Variants in GRIN2A observed in about 807,000 individuals in gnomAD.
The protein encoded by GRIN2A is glutamate receptor ionotropic, NMDA 2A.
GRIN2A carries 22 observed loss-of-function variants against 113.4 expected under a neutral mutation model. That is an observed-to-expected ratio of 0.19 (90% CI 0.14 to 0.28). GRIN2A has a LOEUF of 0.28. GRIN2A is among the 10% of genes least tolerant of loss of function. The pLI, the probability that GRIN2A is intolerant of heterozygous loss-of-function variation, is 1.00. For synonymous variants in GRIN2A, 827 were observed against 738.4 expected, an observed-to-expected ratio of 1.12 and a Z score of -1.94; for missense variants, 1,502 against 1,887.0, an observed-to-expected ratio of 0.80 and a Z score of 3.78.
intron 3 of GRIN2A, 84 bp from the exon 4 acceptor site, chr16:9,891,184 AT>A: frequency 1.3e-6 from 1 of 793,270 alleles, no homozygotes; most frequent in Non-Finnish European, 2.3e-6. Context: ...CATTAATGGA[AT>A]ACTGAAAAAT....
chr16:9,863,281 G>A (rs537796777), intron 4 of GRIN2A, among the ~76,000 whole-genome samples: 26 of 152,320 alleles, frequency 1.7e-4, no homozygotes, highest in African/African-American at 4.8e-4. Context: ...CCTGAGAGTT[G>A]GAGAAGCCAG....
At chr16:9,770,872 T>C (rs1366800651) in intron 11 of GRIN2A, among the ~76,000 whole-genome samples, 1 of 152,200 alleles carries the variant, frequency 6.6e-6, no homozygotes, top group African/African-American at 2.4e-5. Flanking sequence ...CCCGCTCCCT[T>C]CGGTTTTCCC....
At chr16:9,782,482 A>G (rs73498509) in intron 11 of GRIN2A, among the ~76,000 whole-genome samples, 1,906 of 152,292 alleles carry the variant, frequency 0.013, 38 homozygotes, top group African/African-American at 0.038. Context: ...ATAGACTGAG[A>G]GGGATTTGGG....
chr16:10,003,630 C>T (rs1002142370), intron 2 of GRIN2A, among the ~76,000 whole-genome samples: 2 of 152,166 alleles, frequency 1.3e-5, no homozygotes, highest in Non-Finnish European at 2.9e-5. Context: ...ATGAGACTCC[C>T]ACTTTATACG....
chr16:9,949,307 G>A (rs140920537), intron 2 of GRIN2A, among the ~76,000 whole-genome samples: 14 of 152,298 alleles, frequency 9.2e-5, no homozygotes, highest in Non-Finnish European at 1.9e-4. Flanking sequence ...GTGAATGGAT[G>A]GACAGACGAA....
intron 2 of GRIN2A, among the ~76,000 whole-genome samples, chr16:10,121,082 C>T (rs963905901): frequency 1.3e-5 from 2 of 152,186 alleles, no homozygotes; most frequent in African/African-American, 4.8e-5. Context: ...ATACTTTCAT[C>T]GGTCCAACAC....
At chr16:9,862,459 G>A (rs868322556) in intron 4 of GRIN2A, among the ~76,000 whole-genome samples, 1 of 152,090 alleles carries the variant, frequency 6.6e-6, no homozygotes, top group African/African-American at 2.4e-5. Flanking sequence ...TGAACAACCC[G>A]CATCTCTGCT....
At chr16:9,822,112 A>T in intron 10 of GRIN2A, 152 bp downstream of exon 10, 1 of 820,044 alleles carries the variant, frequency 1.2e-6, no homozygotes, top group Non-Finnish European at 2.1e-6. Context: ...CATTAGATTA[A>T]CAAAAACTGC....
chr16:9,942,443 A>T (rs144722097), intron 2 of GRIN2A, among the ~76,000 whole-genome samples: 12 of 152,124 alleles, frequency 7.9e-5, no homozygotes, highest in Admixed American at 7.9e-4. Context: ...TTCTTTACCT[A>T]TAAGATAGGA....
At chr16:10,151,144 C>T (rs567558591) in intron 2 of GRIN2A, among the ~76,000 whole-genome samples, 1 of 152,328 alleles carries the variant, frequency 6.6e-6, no homozygotes, top group East Asian at 1.9e-4. Flanking sequence ...TGTCCGCCAT[C>T]TTGATGAGTC....
At chr16:10,004,569 T>C (rs948827750) in intron 2 of GRIN2A, among the ~76,000 whole-genome samples, 2 of 152,156 alleles carry the variant, frequency 1.3e-5, no homozygotes, top group African/African-American at 4.8e-5. Flanking sequence ...GTGGACACTC[T>C]AGGGAAGAAT....
intron 11 of GRIN2A, among the ~76,000 whole-genome samples, chr16:9,780,196 T>C (rs933760697): frequency 1.6e-4 from 25 of 152,332 alleles, no homozygotes; most frequent in African/African-American, 6.0e-4. Flanking sequence ...TTCAGAACAC[T>C]GGTTCAAAGT....
At chr16:10,166,398 T>A in intron 2 of GRIN2A, among the ~76,000 whole-genome samples, 1 of 152,166 alleles carries the variant, frequency 6.6e-6, no homozygotes. Flanking sequence ...GATTGTGAAC[T>A]CAATTCTGCT....
At chr16:9,802,191 C>T (rs1015331670) in intron 10 of GRIN2A, among the ~76,000 whole-genome samples, 5 of 152,130 alleles carry the variant, frequency 3.3e-5, no homozygotes, top group African/African-American at 1.2e-4. Flanking sequence ...TGGGTATACA[C>T]CCAAAGGAAT....
intron 3 of GRIN2A, among the ~76,000 whole-genome samples, chr16:9,917,824 C>T (rs571158035): frequency 6.6e-5 from 10 of 152,210 alleles, no homozygotes; most frequent in East Asian, 1.9e-4. Context: ...TCTCACTCCC[C>T]GCCTAGAGAT....
intron 10 of GRIN2A, among the ~76,000 whole-genome samples, 168 bp downstream of exon 10, chr16:9,822,096 G>A (rs1333421534): frequency 6.6e-6 from 1 of 152,154 alleles, no homozygotes. Context: ...GGAAACCTGG[G>A]ATGCTCATTA....
intron 2 of GRIN2A, among the ~76,000 whole-genome samples, chr16:10,126,849 C>A (rs2048949540): frequency 6.6e-6 from 1 of 152,170 alleles, no homozygotes; most frequent in African/African-American, 2.4e-5. Flanking sequence ...AATCCTTCTG[C>A]TTTTATAAAC....
intron 4 of GRIN2A, among the ~76,000 whole-genome samples, chr16:9,882,690 G>C (rs1478931780): frequency 6.6e-6 from 1 of 152,132 alleles, no homozygotes; most frequent in Non-Finnish European, 1.5e-5. Flanking sequence ...GGGAGGTTGA[G>C]GCAGGAAGAC....
intron 2 of GRIN2A, among the ~76,000 whole-genome samples, chr16:10,152,480 A>T (rs12446356): frequency 0.098 from 14,865 of 152,160 alleles, 724 homozygotes; most frequent in South Asian, 0.12. Flanking sequence ...CCACTATTGA[A>T]ATTCTATACA....
Sources: gnomAD v4.1 joint callset for allele counts (sites outside exome capture counted in the v4.1 genomes callset) on GRCh38, gnomAD v4.1.1 for gene constraint, MANE v1.5 for transcripts, NCBI Gene and HGNC (gene_info 2026-07-23, HGNC 2026-07-21) for gene names.